CCDC40: variants seen among roughly 807,000 people sequenced by gnomAD.
CCDC40 encodes the protein coiled-coil domain-containing protein 40.
CCDC40 carries 104 observed loss-of-function variants against 124.5 expected under a neutral mutation model. That is an observed-to-expected ratio of 0.84 (90% CI 0.71 to 0.98). The LOEUF (loss-of-function observed/expected upper bound fraction) is 0.98, where lower values mean the gene tolerates loss of function less well. Among genes scored for constraint, CCDC40 ranks in the 50% least tolerant of loss-of-function variants. CCDC40 has a pLI of 0.00. For synonymous variants in CCDC40, 580 were observed against 602.9 expected, an observed-to-expected ratio of 0.96 and a Z score of 0.56; for missense variants, 1,463 against 1,503.9, an observed-to-expected ratio of 0.97 and a Z score of 0.45.
chr17:80,058,558 C>A lies in CCDC40; in HGVS notation c.1224C>A (p.Asp408Glu). 6.2e-7 allele frequency: 1 copy of A among 1,614,072 alleles called. No homozygotes were observed. Among genetic ancestry groups the A allele is most frequent in the Non-Finnish European group, 8.5e-7 (1 of 1,179,942 alleles). ...ATCTCTTCTACATGCAGAACATCGA[C>A]CAGGACATGCGTGACGACATCCGCG... ...ALHLFYMQNIDQDMRDDIRVM... is the reference protein window; with the variant it reads ...ALHLFYMQNIEQDMRDDIRVM... Residue 408 changes from aspartate (D) to glutamate (E), a missense_variant, in exon 8 of 20, where the codon GAC becomes GAA. Coordinates refer to ENST00000397545, the MANE Select transcript of CCDC40 (RefSeq NM_017950.4). This position sits in a 1 kb window ranked among gnomAD's most constrained non-coding sequence, Gnocchi z 4.2.
At chr17:80,059,815 C>T (rs931496962) in intron 9 of CCDC40, among the ~76,000 whole-genome samples, 4 of 152,158 alleles carry the variant, frequency 2.6e-5, no homozygotes, top group Non-Finnish European at 5.9e-5. Context: ...CCACCTCGGC[C>T]TCCCAAAGTC....
intron 7 of CCDC40, among the ~76,000 whole-genome samples, chr17:80,050,949 C>CCATG (rs1432776229): frequency 2.6e-5 from 4 of 152,162 alleles, no homozygotes; most frequent in Admixed American, 6.6e-5. Flanking sequence ...GACGGTCAGA[C>CCATG]CATGGCCCAG....
chr17:80,051,320 A>T (rs2037581663), intron 7 of CCDC40: 1 of 982,386 alleles, frequency 1.0e-6, no homozygotes, highest in Middle Eastern at 5.2e-4. Flanking sequence ...GAGTTAGGGT[A>T]AGTGGGCACT....
intron 9 of CCDC40, among the ~76,000 whole-genome samples, chr17:80,062,880 C>T (rs550519745): frequency 4.6e-5 from 7 of 152,232 alleles, no homozygotes; most frequent in African/African-American, 9.6e-5. Flanking sequence ...CATGAGCCAC[C>T]GCACCTGGCA....
At position 80,066,168 on chromosome 17, in the gene CCDC40, CTG is replaced by C. The variant is rs1399389343; in HGVS notation, c.1562+565_1562+566del. On this transcript the variant is annotated intron_variant, in intron 10 of 19. Transcript: ENST00000397545. This position sits in a 1 kb window ranked among gnomAD's most constrained non-coding sequence, Gnocchi z 4.4. ...GGACGCGGAAAGAAAAAGCCGGGCA[CTG>C]TGGTGGCACGTGTCTCACCCGCTGA... 3 of 702,902 alleles carry C rather than the reference CTG, an allele frequency of 4.3e-6. No homozygotes were observed. The highest frequency in any genetic ancestry group is 2.0e-5 in the Admixed American group (1 of 49,992). The allele number at this position is 702,902 out of a possible 1,614,324, so 43.5% of individuals were successfully genotyped here.
Position 80,058,198 on chromosome 17 carries a change from G to T in CCDC40, c.1160-296G>T, listed in dbSNP as rs145880301. 6.6e-6 allele frequency among the ~76,000 whole-genome samples: 1 copy of T among 152,206 alleles called. No individual in the cohort carries two copies. ...AGCCTTACCACCTGGCACTACTTCA[G>T]TGTATCCTTAGACTACCAGGAGGAT... is the stretch of plus-strand genomic sequence containing the variant. On this transcript the variant is annotated intron_variant, in intron 7 of 19. Coordinates refer to ENST00000397545, the MANE Select transcript of CCDC40 (RefSeq NM_017950.4). This position sits in a 1 kb window ranked among gnomAD's most constrained non-coding sequence, Gnocchi z 4.2.
In CCDC40 at chr17:80,047,323, C is replaced by T. The variant is rs897581129; in HGVS notation, c.597C>T (p.Gly199=). 6 of 1,613,602 alleles carry T rather than the reference C, an allele frequency of 3.7e-6. 1 individual carries two copies. The highest frequency in any genetic ancestry group is 2.7e-5 in the African/African-American group (2 of 75,040). Residue 199 remains glycine (G), a synonymous_variant, in exon 4 of 20, where the codon GGC becomes GGT. Transcript: ENST00000397545. ...CCCAGGGGCAGGTGCTCCCAATGGG[C>T]GTCCAGCACCGCTTCCGGCTGAGCC... ...EEPQGQVLPM[G]VQHRFRLSHG... is the part of the protein sequence containing the mutation.
chr17:80,065,017 C>G (rs1430790355), intron 9 of CCDC40, among the ~76,000 whole-genome samples: 1 of 150,024 alleles, frequency 6.7e-6, no homozygotes, highest in Admixed American at 6.6e-5. Flanking sequence ...TCCTCTCCCT[C>G]CTCCTCTCCC....
chr17:80,063,782 G>T (rs935792719), intron 9 of CCDC40, among the ~76,000 whole-genome samples: 1 of 152,200 alleles, frequency 6.6e-6, no homozygotes, highest in African/African-American at 2.4e-5. Context: ...TTACAGGCAT[G>T]AGCCGCCGCA....
chr17:80,081,624 G>A lies in CCDC40; in HGVS notation c.1641G>A (p.Lys547=), dbSNP rs2038451423. Residue 547 remains lysine (K), a synonymous_variant, in exon 11 of 20, where the codon AAG becomes AAA. Coordinates refer to ENST00000397545, the MANE Select transcript of CCDC40 (RefSeq NM_017950.4). ...AATCCATCATGAAGGAGGAAGAAAA[G>A]AACGAGAAGCTGGCGAGCATCCTGA... ...YKKSIMKEEE[K]NEKLASILNR... 1 of 1,614,028 alleles carries A rather than the reference G, an allele frequency of 6.2e-7. No homozygotes were observed. Among genetic ancestry groups the A allele is most frequent in the African/African-American group, 1.3e-5 (1 of 74,924 alleles).
chr17:80,059,593 T>A (rs1386634152), intron 9 of CCDC40, among the ~76,000 whole-genome samples: 1 of 149,628 alleles, frequency 6.7e-6, no homozygotes, highest in East Asian at 2.0e-4. Flanking sequence ...AGAGTCTCGC[T>A]CTGTCGCCCA....
chr17:80,098,597 A>T (rs2038852949), intron 19 of CCDC40, among the ~76,000 whole-genome samples: 1 of 152,152 alleles, frequency 6.6e-6, no homozygotes, highest in Non-Finnish European at 1.5e-5. Flanking sequence ...AACTGAGATG[A>T]TGAGGGGAAC....
intron 9 of CCDC40, among the ~76,000 whole-genome samples, chr17:80,062,106 G>A (rs916417260): frequency 9.9e-5 from 15 of 151,428 alleles, no homozygotes; most frequent in East Asian, 9.7e-4. Flanking sequence ...TGAAACCCCC[G>A]TCTCTAAAGA....
At chr17:80,099,290 CA>C (rs879645135) in intron 19 of CCDC40, among the ~76,000 whole-genome samples, 158 of 142,782 alleles carry the variant, frequency 1.1e-3, no homozygotes, top group East Asian at 1.2e-3. Flanking sequence ...GACTCCATCT[CA>C]AAAAAAAAAA....
chr17:80,063,389 A>T (rs1250112862), intron 9 of CCDC40, among the ~76,000 whole-genome samples: 1 of 152,156 alleles, frequency 6.6e-6, no homozygotes, highest in Non-Finnish European at 1.5e-5. Context: ...ACTGGGGTCT[A>T]AATGCACAGG....
intron 17 of CCDC40, among the ~76,000 whole-genome samples, chr17:80,094,273 G>A (rs981100441): frequency 1.5e-4 from 22 of 151,300 alleles, no homozygotes; most frequent in Non-Finnish European, 2.7e-4. Context: ...ATAGCCAGGC[G>A]TGGTGGCAGG....
intron 10 of CCDC40, among the ~76,000 whole-genome samples, chr17:80,072,633 A>G (rs2038220189): frequency 6.6e-6 from 1 of 152,166 alleles, no homozygotes; most frequent in South Asian, 2.1e-4. Flanking sequence ...TTCTGTGCCT[A>G]TAGCTCTGCC....
In CCDC40 at chr17:80,082,069, G is replaced by A. The variant is rs2038464707; in HGVS notation, c.1989+11G>A. ...GAGAAGACCAACATGGTAGGCCCCT[G>A]CCCCAGGGAGGGGCTGTGCGAAGCC... On this transcript the variant is annotated intron_variant, in intron 12 of 19. Coordinates refer to ENST00000397545, the MANE Select transcript of CCDC40 (RefSeq NM_017950.4). 1 of 1,610,656 alleles carries A rather than the reference G, an allele frequency of 6.2e-7. No homozygotes were observed.
chr17:80,055,891 A>G (rs1280060027), intron 7 of CCDC40, among the ~76,000 whole-genome samples: 1 of 147,522 alleles, frequency 6.8e-6, no homozygotes. Context: ...ATGGCAGAGT[A>G]GCCTCGAACT....
Sources: allele counts gnomAD v4.1 joint callset (sites outside exome capture counted in the v4.1 genomes callset), GRCh38; gene constraint gnomAD v4.1.1; non-coding constraint Gnocchi (gnomAD v3.1); transcripts MANE v1.5; gene names NCBI Gene and HGNC (gene_info 2026-07-23, HGNC 2026-07-21).